Variants in RYR3 observed in about 807,000 individuals in gnomAD.
RYR3 encodes brain ryanodine receptor-calcium release channel.
In RYR3, 207 loss-of-function variants were observed where a neutral mutation model predicts 584.3. The ratio of observed to expected loss-of-function variants is 0.35; its 90% confidence interval spans 0.32 to 0.40. The LOEUF (loss-of-function observed/expected upper bound fraction) is 0.40. RYR3 is among the 10% of genes least tolerant of loss of function. The pLI, the probability that RYR3 is intolerant of heterozygous loss-of-function variation, is 1.00. For missense variants in RYR3, 5,616 were observed against 6,089.2 expected, an observed-to-expected ratio of 0.92 and a Z score of 2.59; for synonymous variants, 2,416 against 2,248.5, an observed-to-expected ratio of 1.07 and a Z score of -2.11.
At chr15:33,486,288 G>A (rs2050415772) in intron 2 of RYR3, among the ~76,000 whole-genome samples, 1 of 152,190 alleles carries the variant, frequency 6.6e-6, no homozygotes, top group Non-Finnish European at 1.5e-5. Flanking sequence ...AAAGTCTCTA[G>A]GGCAGGATAC....
intron 3 of RYR3, among the ~76,000 whole-genome samples, chr15:33,504,967 A>G (rs2052341554): frequency 6.6e-6 from 1 of 152,236 alleles, no homozygotes; most frequent in Non-Finnish European, 1.5e-5. Flanking sequence ...TTGCTGGGAC[A>G]ACATTAGGTA....
intron 31 of RYR3, 31 bp from the exon 32 acceptor site, chr15:33,652,687 A>G (rs2062555548): frequency 6.2e-7 from 1 of 1,607,642 alleles, no homozygotes; most frequent in Admixed American, 1.7e-5. Flanking sequence ...CCCAGTCCAG[A>G]TTCTGTGCCT....
chr15:33,732,895 G>T (rs1402891237), intron 48 of RYR3, among the ~76,000 whole-genome samples: 1 of 152,168 alleles, frequency 6.6e-6, no homozygotes, highest in Non-Finnish European at 1.5e-5. Context: ...AGCTGAGTAT[G>T]GTCTTGATTT....
chr15:33,473,663 G>A (rs1475391826), intron 2 of RYR3, 125 bp downstream of exon 2: 6 of 967,180 alleles, frequency 6.2e-6, no homozygotes, highest in Non-Finnish European at 7.6e-6. Context: ...TTTTTTAAAT[G>A]GGAAGCAGAT....
chr15:33,769,345 G>A (rs2278315), intron 62 of RYR3, among the ~76,000 whole-genome samples, 173 bp downstream of exon 62: 14,423 of 152,230 alleles, frequency 0.095, 938 homozygotes, highest in East Asian at 0.27. Flanking sequence ...TTCACATAAC[G>A]AGAGCCACTG....
intron 1 of RYR3, among the ~76,000 whole-genome samples, chr15:33,425,637 A>ATTTTTTTTTTTTTTTTTTTTTTTT (rs68182512): frequency 8.2e-6 from 1 of 121,802 alleles, no homozygotes; most frequent in African/African-American, 3.3e-5. Flanking sequence ...GAGACTCACA[A>ATTTTTTTTTTTTTTTTTTTTTTTT]TTTTTTTTTT....
chr15:33,480,032 C>T (rs571328864), intron 2 of RYR3, among the ~76,000 whole-genome samples: 82 of 152,226 alleles, frequency 5.4e-4, no homozygotes, highest in African/African-American at 1.9e-3. Context: ...TTATGTGCCT[C>T]TATATTGGGA....
chr15:33,678,066 C>T (rs12439222), intron 38 of RYR3, among the ~76,000 whole-genome samples: 25,645 of 152,194 alleles, frequency 0.17, 2,504 homozygotes, highest in Admixed American at 0.3. Context: ...GGGGAAATTC[C>T]GTCCATGCCA....
chr15:33,718,780 A>T (rs2067684891), intron 43 of RYR3, among the ~76,000 whole-genome samples: 1 of 152,138 alleles, frequency 6.6e-6, no homozygotes, highest in African/African-American at 2.4e-5. Flanking sequence ...ATTTCCATCC[A>T]ACTATTCAGG....
chr15:33,345,791 A>C (rs1276480903), intron 1 of RYR3, among the ~76,000 whole-genome samples: 1 of 152,214 alleles, frequency 6.6e-6, no homozygotes, highest in Non-Finnish European at 1.5e-5. Context: ...CAAAAAGAAT[A>C]TGCTCTGTTT....
rs1363225176 is a variant in RYR3, at chr15:33,757,490, G to A, written c.8599G>A (p.Val2867Ile). 6.2e-7 allele frequency: 1 copy of A among 1,608,266 alleles called. No homozygotes were observed. Among genetic ancestry groups the A allele is most frequent in the African/African-American group, 1.3e-5 (1 of 74,964 alleles). Reference sequence around the variant, plus strand: ...CGTTTCCCAGGTTCTCCTCCCGCTGGTTGACCAGTACTTCACCAGTCATTG... The same window carrying A: ...CGTTTCCCAGGTTCTCCTCCCGCTGATTGACCAGTACTTCACCAGTCATTG... ...KFFAKVLLPL[V>I]DQYFTSHCLY... Residue 2867 changes from valine to isoleucine, a missense_variant, in exon 60 of 104, where the codon GTT becomes ATT. Physicochemically the swap from Val to Ile is conservative, Grantham distance 29. This residue lies in a region of RYR3 where 1,280 missense variants were observed against 1,426.2 expected (regional missense o/e 0.90). Transcript: ENST00000634891.
chr15:33,403,980 T>C (rs796195910), intron 1 of RYR3, among the ~76,000 whole-genome samples: 2 of 152,224 alleles, frequency 1.3e-5, no homozygotes, highest in South Asian at 4.1e-4. Context: ...ATGGAATATC[T>C]TGTCAATTGA....
intron 27 of RYR3, among the ~76,000 whole-genome samples, chr15:33,643,154 C>T (rs1026458536): frequency 8.5e-5 from 13 of 152,242 alleles, no homozygotes; most frequent in East Asian, 7.7e-4. Context: ...AAATGTCCCC[C>T]GAAATGACCA....
intron 38 of RYR3, among the ~76,000 whole-genome samples, chr15:33,678,631 A>C: frequency 6.6e-6 from 1 of 152,232 alleles, no homozygotes; most frequent in East Asian, 1.9e-4. Flanking sequence ...TTCTTCAGCC[A>C]AGGAAGCCGA....
chr15:33,387,845 G>GTA (rs542384800), intron 1 of RYR3, among the ~76,000 whole-genome samples: 28 of 152,174 alleles, frequency 1.8e-4, no homozygotes, highest in Non-Finnish European at 2.5e-4. Flanking sequence ...TTTGAGGCAG[G>GTA]TATAATAGAG....
intron 85 of RYR3, 74 bp downstream of exon 85, chr15:33,827,361 A>G (rs949339226): frequency 5.5e-5 from 75 of 1,352,818 alleles, no homozygotes; most frequent in Non-Finnish European, 7.2e-5. Context: ...ACACAGGGTC[A>G]GGGACAGCCC....
chr15:33,734,494 A>C (rs2069240580), intron 48 of RYR3, among the ~76,000 whole-genome samples: 1 of 152,120 alleles, frequency 6.6e-6, no homozygotes, highest in Non-Finnish European at 1.5e-5. Context: ...TTGGTAATGC[A>C]TCAATAACAG....
chr15:33,802,528 G>A (rs62016671), intron 69 of RYR3, among the ~76,000 whole-genome samples: 55,178 of 151,762 alleles, frequency 0.36, 10,386 homozygotes, highest in South Asian at 0.48. Flanking sequence ...AAGGCATATC[G>A]GACATCTGTC....
At chr15:33,795,945 A>C (rs1180900515) in intron 67 of RYR3, among the ~76,000 whole-genome samples, 3 of 152,274 alleles carry the variant, frequency 2.0e-5, no homozygotes, top group East Asian at 1.9e-4. Flanking sequence ...GTGAAAACCT[A>C]TCTCTCAAAC....
Sources: gnomAD v4.1 joint callset for allele counts (sites outside exome capture counted in the v4.1 genomes callset) on GRCh38, gnomAD v4.1.1 for gene constraint, gnomAD v4.1.1 regional missense constraint, MANE v1.5 for transcripts, NCBI Gene and HGNC (gene_info 2026-07-23, HGNC 2026-07-21) for gene names.